Variants in LMNA observed in about 807,000 individuals in gnomAD.
LMNA encodes lamin.
A neutral mutation model predicts 70.4 loss-of-function variants in LMNA; 20 were observed. The ratio of observed to expected loss-of-function variants is 0.28; its 90% confidence interval spans 0.20 to 0.41. LMNA has a LOEUF of 0.41. Among genes scored for constraint, LMNA ranks in the 10% least tolerant of loss-of-function variants. The pLI, the probability that LMNA is intolerant of heterozygous loss-of-function variation, is 1.00. For missense variants in LMNA, 652 were observed against 917.2 expected (o/e 0.71, Z 3.73); for synonymous variants, 339 against 372.8 (o/e 0.91, Z 1.04).
In LMNA at chr1:156,099,882, A is replaced by G. The variant is rs985215735; in HGVS notation, c.-207+9300A>G. Among the ~76,000 whole-genome samples the G allele has an allele frequency of 4.8e-4, 73 of 151,958 alleles. 1 individual carries two copies. Among genetic ancestry groups the G allele is most frequent in the Admixed American group, 3.3e-4 (5 of 15,238 alleles). ...GCCTGGGTGACAAAAAAAAAAAAAAAAAAAAGAAAAATGCCCATGTGTCAC... is the reference window on the plus strand; with the variant it reads ...GCCTGGGTGACAAAAAAAAAAAAAAGAAAAAGAAAAATGCCCATGTGTCAC... On this transcript the variant is annotated intron_variant, in intron 3 of 12. Coordinates refer to the LMNA transcript ENST00000368301.
intron 3 of LMNA, among the ~76,000 whole-genome samples, chr1:156,108,316 T>G (rs1303217793): frequency 6.6e-6 from 1 of 152,080 alleles, no homozygotes; most frequent in African/African-American, 2.4e-5. Flanking sequence ...CCTCAAGAAC[T>G]CACTATAAAG....
chr1:156,117,527 G>T (rs532855142), intron 1 of LMNA, among the ~76,000 whole-genome samples: 1 of 151,912 alleles, frequency 6.6e-6, no homozygotes, highest in Non-Finnish European at 1.5e-5. Flanking sequence ...GAGCCACTGC[G>T]CCTGGCTTCT....
At chr1:156,107,888 C>T (rs77778388) in intron 3 of LMNA, among the ~76,000 whole-genome samples, 1,752 of 151,848 alleles carry the variant, frequency 0.012, 8 homozygotes, top group South Asian at 0.019. Context: ...GCCTCAGCTC[C>T]CTGAGTAGCT....
intron 3 of LMNA, among the ~76,000 whole-genome samples, chr1:156,092,215 G>A (rs1333356459): frequency 6.6e-6 from 1 of 151,542 alleles, no homozygotes; most frequent in Non-Finnish European, 1.5e-5. Flanking sequence ...ACAGTGCCCA[G>A]CCAAAAAAAA....
rs1409536833 is a variant in LMNA at position 156,135,499 on chromosome 1, T to C, written c.936+187T>C. On this transcript the variant is annotated intron_variant, in intron 5 of 11. Coordinates refer to ENST00000368300, the MANE Select transcript of LMNA (RefSeq NM_170707.4). This position sits in a 1 kb window ranked among gnomAD's most constrained non-coding sequence, Gnocchi z 4.8. ...TCAGATGGCCTGTGTGCTGTTTCTG[T>C]ACACTCTTACCTCACCTTCACTTCT... The C allele has an allele frequency of 1.3e-6, 1 of 742,122 alleles. No homozygotes were observed. The highest frequency in any genetic ancestry group is 2.3e-6 in the Non-Finnish European group (1 of 440,068). The allele number at this position is 742,122 out of a possible 1,614,324, so 46.0% of individuals were successfully genotyped here.
chr1:156,129,155 CACTT>C lies in LMNA; in HGVS notation c.357-1459_357-1456del, dbSNP rs1477070635. ...GGGGCTCTTTTTTGCAGGAGACAGA[CACTT>C]ACATTAAACAACTTGTTCTGAGGTG... On this transcript the variant is annotated intron_variant, in intron 1 of 11. Transcript: ENST00000368300. Among the ~76,000 whole-genome samples the C allele has an allele frequency of 2.0e-5, 3 of 152,194 alleles. No individual in the cohort carries two copies. In the East Asian group the frequency reaches 5.8e-4, roughly 29 times the overall value.
chr1:156,100,770 T>C (rs982825327), intron 3 of LMNA, among the ~76,000 whole-genome samples: 1 of 152,170 alleles, frequency 6.6e-6, no homozygotes, highest in African/African-American at 2.4e-5. Context: ...GAGAACCTTT[T>C]GTGCACCAGG....
chr1:156,114,917 C>G lies in LMNA; in HGVS notation c.-2C>G. 6.5e-7 allele frequency: 1 copy of G among 1,546,424 alleles called. No individual in the cohort carries two copies. On this transcript the variant is annotated 5_prime_UTR_variant, in exon 1 of 12. Transcript: ENST00000368300. Reference sequence around the variant, plus strand: ...GCGGGCAGCGCTGCCAACCTGCCGGCCATGGAGACCCCGTCCCAGCGGCGC... The same window carrying G: ...GCGGGCAGCGCTGCCAACCTGCCGGGCATGGAGACCCCGTCCCAGCGGCGC...
intron 3 of LMNA, among the ~76,000 whole-genome samples, chr1:156,099,269 C>G (rs1347195352): frequency 6.6e-6 from 1 of 152,104 alleles, no homozygotes; most frequent in African/African-American, 2.4e-5. Context: ...TTCACTGGCT[C>G]TCTGACTTTT....
At chr1:156,086,562 C>G (rs1014787208) in intron 2 of LMNA, among the ~76,000 whole-genome samples, 10 of 152,198 alleles carry the variant, frequency 6.6e-5, no homozygotes, top group African/African-American at 2.4e-4. Context: ...GTCCAGGATT[C>G]TTGTGGAGGT....
At position 156,139,183 on chromosome 1, in the gene LMNA, A is replaced by G; in HGVS notation, c.*77A>G. On this transcript the variant is annotated 3_prime_UTR_variant, in exon 12 of 12. Transcript: ENST00000368300. ...ACCTCATGCCCACCCCCTGCCCTGC[A>G]CGTCATGGGAGGGGGCTTGAAGCCA... 6.2e-7 allele frequency: 1 copy of G among 1,609,262 alleles called. No homozygotes were observed. The highest frequency in any genetic ancestry group is 2.2e-5 in the East Asian group (1 of 44,826).
intron 3 of LMNA, among the ~76,000 whole-genome samples, chr1:156,091,744 C>G (rs924571225): frequency 1.3e-5 from 2 of 152,114 alleles, no homozygotes; most frequent in African/African-American, 4.8e-5. Context: ...TGATACTCTA[C>G]TGGGGAGGAA....
chr1:156,090,290 A>G (rs1477620040), intron 2 of LMNA, among the ~76,000 whole-genome samples: 1 of 152,042 alleles, frequency 6.6e-6, no homozygotes, highest in Non-Finnish European at 1.5e-5. Flanking sequence ...TACCTAATGC[A>G]CTCATTTTAC....
In LMNA at chr1:156,137,316, T is replaced by C; in HGVS notation, c.1608+84T>C. On this transcript the variant is annotated intron_variant, in intron 9 of 11. Coordinates refer to ENST00000368300, the MANE Select transcript of LMNA (RefSeq NM_170707.4). The surrounding 1 kb of genome is among the most constrained non-coding windows in gnomAD (Gnocchi z 4.6). ...GGAGCCAGCTGCCCCCAACCCAAGT[T>C]TGCCAATTCAGGGCCCCTTTCTAGA... The C allele has an allele frequency of 6.6e-7, 1 of 1,525,788 alleles. No homozygotes were observed. The highest frequency in any genetic ancestry group is 8.8e-7 in the Non-Finnish European group (1 of 1,138,444). The allele number at this position is 1,525,788 out of a possible 1,614,324, so 94.5% of individuals were successfully genotyped here.
chr1:156,121,224 T>G (rs1650167027), intron 1 of LMNA, among the ~76,000 whole-genome samples: 1 of 151,788 alleles, frequency 6.6e-6, no homozygotes, highest in Non-Finnish European at 1.5e-5. Context: ...AATTTTTCTA[T>G]TTTTAGTAGA....
intron 3 of LMNA, among the ~76,000 whole-genome samples, chr1:156,105,476 C>G (rs988596267): frequency 1.3e-4 from 19 of 150,668 alleles, no homozygotes. Flanking sequence ...GCCAGGAAAT[C>G]TCCTGCAGAT....
chr1:156,112,169 C>T (rs1020599700), upstream of LMNA, among the ~76,000 whole-genome samples: 1 of 152,056 alleles, frequency 6.6e-6, no homozygotes, highest in African/African-American at 2.4e-5. Flanking sequence ...ATAATCCCAG[C>T]GCTTTGGAAG....
chr1:156,095,137 C>G (rs1648886746), intron 3 of LMNA, among the ~76,000 whole-genome samples: 1 of 152,094 alleles, frequency 6.6e-6, no homozygotes, highest in African/African-American at 2.4e-5. Context: ...CCATGTTGGC[C>G]AGGCTGGTCT....
chr1:156,128,372 CAGGCACTGGCAAGGAA>C (rs1438531612), intron 1 of LMNA, among the ~76,000 whole-genome samples: 1 of 152,196 alleles, frequency 6.6e-6, no homozygotes, highest in Non-Finnish European at 1.5e-5. Context: ...CAGTGTCTGC[CAGGCACTGGCAAGGAA>C]AGGCTGTTAC....
Sources: gnomAD v4.1 joint callset for allele counts (sites outside exome capture counted in the v4.1 genomes callset) on GRCh38, gnomAD v4.1.1 for gene constraint, Gnocchi (gnomAD v3.1) non-coding constraint, MANE v1.5 for transcripts, NCBI Gene and HGNC (gene_info 2026-07-23, HGNC 2026-07-21) for gene names.